The following BCKDHB variants were observed in gnomAD, a reference collection of about 807,000 sequenced individuals.
BCKDHB encodes branched chain keto acid dehydrogenase E1 subunit beta.
Under a neutral mutation model 48.5 loss-of-function variants are expected in BCKDHB, and 41 were observed. The ratio of observed to expected loss-of-function variants is 0.85; its 90% CI spans 0.66 to 1.10. The LOEUF is 1.10. BCKDHB is among the 50% of genes least tolerant of loss of function. The pLI, the probability that BCKDHB is intolerant of heterozygous loss-of-function variation, is 0.00. For synonymous variants in BCKDHB, 201 were observed against 174.8 expected (o/e 1.15, Z -1.18); for missense variants, 496 against 494.2 (o/e 1.00, Z -0.03).
At chr6:80,369,026 A>AT in the BCKDHB span, among the ~76,000 whole-genome samples, 2 of 12,292 alleles carry the variant, frequency 1.6e-4, no homozygotes, top group South Asian at 0.062. Flanking sequence ...AAAAAAAAAA[A>AT]CAAAAGAAAA....
chr6:80,269,520 C>T (rs1023391552), intron 8 of BCKDHB, among the ~76,000 whole-genome samples: 1 of 151,910 alleles, frequency 6.6e-6, no homozygotes, highest in Non-Finnish European at 1.5e-5. Context: ...TTCCCTGATG[C>T]CATTTGTCAC....
chr6:80,182,419 T>C (rs1003876869), intron 6 of BCKDHB, among the ~76,000 whole-genome samples: 8 of 152,232 alleles, frequency 5.3e-5, no homozygotes, highest in African/African-American at 1.7e-4. Context: ...TAAGCAGATA[T>C]CTATTTTTGA....
chr6:80,180,981 T>C (rs1462240278), intron 6 of BCKDHB, among the ~76,000 whole-genome samples: 3 of 152,212 alleles, frequency 2.0e-5, no homozygotes, highest in African/African-American at 7.2e-5. Context: ...TGATAGCTTC[T>C]AATAAAAAAT....
intron 6 of BCKDHB, among the ~76,000 whole-genome samples, chr6:80,174,308 G>T (rs1773051510): frequency 1.3e-5 from 2 of 152,048 alleles, no homozygotes; most frequent in African/African-American, 2.4e-5. Context: ...AAAAATAATT[G>T]GGAGTTAATT....
chr6:80,365,746 A>G, the BCKDHB span, among the ~76,000 whole-genome samples: 1 of 114,016 alleles, frequency 8.8e-6, no homozygotes, highest in Admixed American at 8.0e-5. Context: ...TAACAGGATT[A>G]AGAGATTAAA....
At chr6:80,124,575 A>T (rs2127722777) in intron 1 of BCKDHB, among the ~76,000 whole-genome samples, 1 of 152,218 alleles carries the variant, frequency 6.6e-6, no homozygotes, top group East Asian at 1.9e-4. Context: ...GTGCTCCTGT[A>T]TTGGGTGCAT....
the BCKDHB span, among the ~76,000 whole-genome samples, chr6:80,455,620 C>G: frequency 1.3e-5 from 2 of 151,572 alleles, no homozygotes; most frequent in East Asian, 3.9e-4. Context: ...AAATTTCTCA[C>G]TAGCTAACTC....
chr6:80,451,536 G>A, the BCKDHB span, among the ~76,000 whole-genome samples: 29 of 152,108 alleles, frequency 1.9e-4, no homozygotes, highest in African/African-American at 6.0e-4. Flanking sequence ...CCGAGAGTTC[G>A]AAACCAGCCT....
chr6:80,327,932 CCCTT>C (rs746235420), intron 9 of BCKDHB, among the ~76,000 whole-genome samples: 11 of 141,970 alleles, frequency 7.7e-5, no homozygotes, highest in South Asian at 2.5e-4. Flanking sequence ...TCCCCTCCCT[CCCTT>C]CCTTCCTTCC....
intron 9 of BCKDHB, among the ~76,000 whole-genome samples, chr6:80,332,345 T>C (rs951203930): frequency 4.6e-5 from 7 of 152,252 alleles, no homozygotes; most frequent in African/African-American, 1.4e-4. Flanking sequence ...TGTTCTGGTA[T>C]GTGTTGCTTT....
rs371836496 is a variant in BCKDHB, at chr6:80,115,617, G to A, written c.196+8728G>A. ...ATACTGATTGTCACTTGTGTGTTAC[G>A]CACTGCGATAAATGCTGGGGTTTCT... On this transcript the variant is annotated intron_variant, in intron 1 of 9. Transcript: ENST00000320393. Among the ~76,000 whole-genome samples, 13 of 151,480 alleles carry A rather than the reference G, an allele frequency of 8.6e-5. No homozygotes were observed. In the East Asian group the frequency reaches 1.8e-3, roughly 20 times the overall value.
At chr6:80,130,665 G>A (rs1770582126) in intron 3 of BCKDHB, among the ~76,000 whole-genome samples, 1 of 152,088 alleles carries the variant, frequency 6.6e-6, no homozygotes, top group African/African-American at 2.4e-5. Context: ...CAAAAGTAAT[G>A]CATATACATT....
At chr6:80,269,201 G>A (rs2127959596) in intron 8 of BCKDHB, among the ~76,000 whole-genome samples, 1 of 152,206 alleles carries the variant, frequency 6.6e-6, no homozygotes, top group East Asian at 1.9e-4. Context: ...AAGTCATAGA[G>A]TGGCCAAACA....
At chr6:80,157,981 C>G (rs1202520652) in intron 3 of BCKDHB, among the ~76,000 whole-genome samples, 1 of 152,016 alleles carries the variant, frequency 6.6e-6, no homozygotes, top group East Asian at 1.9e-4. Context: ...CTCTTTAGTC[C>G]AAAATGATGG....
At chr6:80,383,952 A>T in the BCKDHB span, among the ~76,000 whole-genome samples, 15 of 152,346 alleles carry the variant, frequency 9.8e-5, no homozygotes, top group African/African-American at 3.6e-4. Flanking sequence ...TTTATCTGCC[A>T]ATACTTTTAA....
At chr6:80,304,770 A>G (rs761480953) in intron 9 of BCKDHB, among the ~76,000 whole-genome samples, 1 of 152,276 alleles carries the variant, frequency 6.6e-6, no homozygotes, top group Non-Finnish European at 1.5e-5. Flanking sequence ...AACATTAGAC[A>G]TTGTATTAAT....
the BCKDHB span, among the ~76,000 whole-genome samples, chr6:80,433,350 G>C: frequency 6.6e-6 from 1 of 152,100 alleles, no homozygotes; most frequent in Non-Finnish European, 1.5e-5. Context: ...TTTTTTCAGA[G>C]ATGCCCTGCC....
chr6:80,435,318 T>G, the BCKDHB span, among the ~76,000 whole-genome samples: 7 of 152,146 alleles, frequency 4.6e-5, no homozygotes, highest in Non-Finnish European at 8.8e-5. Flanking sequence ...AAATTTATAT[T>G]TAGGAGCCAA....
chr6:80,358,909 G>T, the BCKDHB span, among the ~76,000 whole-genome samples: 3 of 152,174 alleles, frequency 2.0e-5, no homozygotes, highest in African/African-American at 7.2e-5. Context: ...CTGCCTAGGA[G>T]ACCCGTGGAT....
Sources: allele counts gnomAD v4.1 joint callset (sites outside exome capture counted in the v4.1 genomes callset), GRCh38; gene constraint gnomAD v4.1.1; transcripts MANE v1.5; gene names NCBI Gene and HGNC (gene_info 2026-07-23, HGNC 2026-07-21).